Variants in MRPS28 observed in about 807,000 individuals in gnomAD.
MRPS28 encodes the protein small ribosomal subunit protein bS1m.
MRPS28 carries 7 observed loss-of-function variants against 10.8 expected under a neutral mutation model. The ratio of observed to expected loss-of-function variants is 0.65; its 90% CI spans 0.37 to 1.22. MRPS28 has a LOEUF of 1.22. MRPS28 is among the 50% of genes most tolerant of loss of function. The probability of loss-of-function intolerance (pLI) is 0.02; values close to 1 mark genes in which losing one functional copy is unlikely to be tolerated. For synonymous variants in MRPS28, 121 were observed against 93.3 expected, an observed-to-expected ratio of 1.30 and a Z score of -1.71; for missense variants, 265 against 232.9, an observed-to-expected ratio of 1.14 and a Z score of -0.90.
chr8:79,952,474 G>GT (rs1323409235), intron 2 of MRPS28, among the ~76,000 whole-genome samples: 1 of 152,178 alleles, frequency 6.6e-6, no homozygotes, highest in African/African-American at 2.4e-5. Flanking sequence ...AGAGAATGAT[G>GT]TAAATAGTTA....
intron 1 of MRPS28, among the ~76,000 whole-genome samples, chr8:80,029,568 T>C (rs1229366089): frequency 6.6e-6 from 1 of 152,152 alleles, no homozygotes; most frequent in Admixed American, 6.5e-5. Context: ...GTTCAGAAAG[T>C]GATTCATCAC....
At chr8:79,960,558 G>T (rs762817941) in intron 2 of MRPS28, among the ~76,000 whole-genome samples, 1 of 152,100 alleles carries the variant, frequency 6.6e-6, no homozygotes, top group Non-Finnish European at 1.5e-5. Flanking sequence ...TAATACCAGT[G>T]TATGTACTTA....
At chr8:80,030,003 C>A in intron 1 of MRPS28, 33 bp downstream of exon 1, 1 of 1,604,274 alleles carries the variant, frequency 6.2e-7, no homozygotes, top group Non-Finnish European at 8.5e-7. Context: ...TGGCGTAATT[C>A]CCGCGACTCC....
chr8:79,942,603 G>C lies in MRPS28; in HGVS notation c.396-23455C>G, dbSNP rs2129937246. 3.3e-5 allele frequency among the ~76,000 whole-genome samples: 5 copies of C among 152,312 alleles called. 1 individual carries two copies. In the Middle Eastern group the frequency reaches 0.017, roughly 518 times the overall value. ...GTCCAATTCTAGAAGTCTGGAGTCA[G>C]AGTTGTTATGGGTCAGTGTGAATTT... On this transcript the variant is annotated intron_variant, in intron 2 of 2. Transcript: ENST00000276585.
chr8:79,963,811 C>T (rs138214378), intron 2 of MRPS28, among the ~76,000 whole-genome samples: 42 of 152,172 alleles, frequency 2.8e-4, no homozygotes, highest in African/African-American at 8.7e-4. Context: ...GAAGTGAAGG[C>T]GGAAGAATGC....
intron 1 of MRPS28, among the ~76,000 whole-genome samples, chr8:80,003,821 G>A (rs896227735): frequency 6.6e-6 from 1 of 152,300 alleles, no homozygotes; most frequent in East Asian, 1.9e-4. Context: ...CTTAGCCAAC[G>A]GCACACCAGG....
intron 2 of MRPS28, among the ~76,000 whole-genome samples, chr8:79,951,175 G>A (rs754964235): frequency 1.3e-5 from 2 of 152,158 alleles, no homozygotes; most frequent in African/African-American, 4.8e-5. Context: ...CCTTGCATCT[G>A]AGTTTGTAAG....
chr8:79,925,085 T>C (rs1810196170), intron 2 of MRPS28, among the ~76,000 whole-genome samples: 2 of 152,076 alleles, frequency 1.3e-5, no homozygotes, highest in Non-Finnish European at 2.9e-5. Context: ...AAAGTTCTAC[T>C]CCTCTCCAAT....
intron 2 of MRPS28, among the ~76,000 whole-genome samples, chr8:79,983,416 T>A (rs1187991062): frequency 6.6e-6 from 1 of 152,134 alleles, no homozygotes; most frequent in Non-Finnish European, 1.5e-5. Flanking sequence ...GGAACAAAGC[T>A]GGACGGAGAA....
intron 2 of MRPS28, among the ~76,000 whole-genome samples, chr8:79,968,550 C>G (rs1466276953): frequency 6.6e-6 from 1 of 152,140 alleles, no homozygotes; most frequent in Non-Finnish European, 1.5e-5. Flanking sequence ...AATTCACAAT[C>G]TGATTCCAAC....
At chr8:79,946,422 T>G (rs1806921484) in intron 2 of MRPS28, among the ~76,000 whole-genome samples, 1 of 152,106 alleles carries the variant, frequency 6.6e-6, no homozygotes, top group Non-Finnish European at 1.5e-5. Flanking sequence ...GCCAAAATAG[T>G]CTGATTTATT....
intron 2 of MRPS28, among the ~76,000 whole-genome samples, chr8:79,975,149 T>A (rs530986271): frequency 6.6e-6 from 1 of 152,040 alleles, no homozygotes; most frequent in East Asian, 1.9e-4. Context: ...GTACAAAAAT[T>A]AGCCAGGTGT....
intron 1 of MRPS28, among the ~76,000 whole-genome samples, chr8:80,008,262 AAAAATT>A (rs1176465945): frequency 6.6e-6 from 1 of 152,240 alleles, no homozygotes; most frequent in African/African-American, 2.4e-5. Context: ...CACCTTATAC[AAAAATT>A]AATTCAAGAT....
intron 2 of MRPS28, among the ~76,000 whole-genome samples, chr8:79,966,449 C>G (rs1807505675): frequency 6.6e-6 from 1 of 152,030 alleles, no homozygotes; most frequent in African/African-American, 2.4e-5. Flanking sequence ...TGACCAAACA[C>G]TGGTCAAAAA....
At chr8:79,982,085 A>AAT (rs1282694996) in intron 2 of MRPS28, among the ~76,000 whole-genome samples, 3 of 152,118 alleles carry the variant, frequency 2.0e-5, no homozygotes, top group Non-Finnish European at 2.9e-5. Context: ...CATCTCTACT[A>AAT]AAAGTACAAA....
At chr8:79,926,159 C>T (rs1368014810) in intron 2 of MRPS28, among the ~76,000 whole-genome samples, 1 of 151,702 alleles carries the variant, frequency 6.6e-6, no homozygotes, top group African/African-American at 2.4e-5. Context: ...ACCAAAGAAA[C>T]AGAAGGAGTA....
At chr8:79,965,407 CCTTATT>C (rs1380883277) in intron 2 of MRPS28, among the ~76,000 whole-genome samples, 2 of 152,014 alleles carry the variant, frequency 1.3e-5, no homozygotes, top group Non-Finnish European at 2.9e-5. Context: ...GTAGTACTAT[CCTTATT>C]CTTATGCTTA....
At position 79,989,985 on chromosome 8, in the gene MRPS28, C is replaced by T. The variant is rs1808312312; in HGVS notation, c.395+13014G>A. 3.3e-5 allele frequency among the ~76,000 whole-genome samples: 5 copies of T among 152,132 alleles called. No homozygotes were observed. In the South Asian group the frequency reaches 1.0e-3, roughly 32 times the overall value. The stretch of plus-strand genomic sequence containing the variant: ...CCTGGGCAACATGGTAAAACTCCAC[C>T]TCTACCAAAAACACACACAGACAAC... On this transcript the variant is annotated intron_variant, in intron 2 of 2. Transcript: ENST00000276585.
At position 80,008,236 on chromosome 8, in the gene MRPS28, G is replaced by C. The variant is rs545430345; in HGVS notation, c.214-5056C>G. On this transcript the variant is annotated intron_variant, in intron 1 of 2. Coordinates refer to ENST00000276585, the MANE Select transcript of MRPS28 (RefSeq NM_014018.3). ...GCTAGCCATATGTAGAAAGCTGAAA[G>C]TGGATCCCTTTCTTACACCTTATAC... 6.5e-3 allele frequency among the ~76,000 whole-genome samples: 995 copies of C among 152,210 alleles called. 9 individuals are homozygous for C. The highest frequency in any genetic ancestry group is 0.022 in the African/African-American group (907 of 41,542).
Sources: allele counts gnomAD v4.1 joint callset (sites outside exome capture counted in the v4.1 genomes callset), GRCh38; gene constraint gnomAD v4.1.1; transcripts MANE v1.5; gene names NCBI Gene and HGNC (gene_info 2026-07-23, HGNC 2026-07-21).